The following FAM149B1 variants were observed in gnomAD, a reference collection of about 807,000 sequenced individuals.
FAM149B1 encodes the protein primary cilium assembly protein FAM149B1.
A neutral mutation model predicts 75.3 loss-of-function variants in FAM149B1; 56 were observed. That is an observed-to-expected ratio of 0.74 (90% CI 0.60 to 0.93). The LOEUF is 0.93. Ranked by LOEUF, FAM149B1 falls within the 40% of genes least tolerant of loss-of-function variation. The pLI is 0.00. For synonymous variants in FAM149B1, 259 were observed against 256.1 expected, an observed-to-expected ratio of 1.01 and a Z score of -0.11; for missense variants, 639 against 708.4, an observed-to-expected ratio of 0.90 and a Z score of 1.11.
Position 73,224,759 on chromosome 10 carries a change from ACCACACCCAG to A in FAM149B1, c.899-3293_899-3284del, listed in dbSNP as rs2043498160. On this transcript the variant is annotated intron_variant, in intron 7 of 13. Transcript: ENST00000242505. ...AGTGCTGGGATCACAGGTGTGAGCC[ACCACACCCAG>A]CCACACCGTTATTTTGAAAAACAGG... 2.0e-5 allele frequency among the ~76,000 whole-genome samples: 3 copies of A among 152,302 alleles called. No homozygotes were observed. The South Asian group carries it at 6.2e-4, about 32-fold the overall frequency.
At chr10:73,199,401 T>G (rs537231288) in intron 5 of FAM149B1, among the ~76,000 whole-genome samples, 5 of 152,150 alleles carry the variant, frequency 3.3e-5, no homozygotes, top group Admixed American at 3.3e-4. Context: ...GTATTTTTAG[T>G]AGAGACGGGG....
At chr10:73,178,439 C>T (rs568952815) in intron 3 of FAM149B1, among the ~76,000 whole-genome samples, 61 of 151,140 alleles carry the variant, frequency 4.0e-4, no homozygotes, top group African/African-American at 1.3e-3. Context: ...TGCTGTGAGC[C>T]GAGATCACGC....
At chr10:73,229,474 C>T (rs2043634033) in intron 8 of FAM149B1, among the ~76,000 whole-genome samples, 1 of 152,202 alleles carries the variant, frequency 6.6e-6, no homozygotes, top group Admixed American at 6.5e-5. Flanking sequence ...ACTCTGGAGG[C>T]TGAGGCAGGA....
chr10:73,226,078 CAT>C (rs901400332), intron 7 of FAM149B1, among the ~76,000 whole-genome samples: 13 of 151,056 alleles, frequency 8.6e-5, no homozygotes, highest in Admixed American at 5.3e-4. Context: ...AATGGTAAGT[CAT>C]GTGTATTTTA....
chr10:73,200,776 G>A (rs2042916570), intron 5 of FAM149B1: 2 of 467,698 alleles, frequency 4.3e-6, no homozygotes, highest in Middle Eastern at 7.7e-4. Flanking sequence ...GTGTTGAGCA[G>A]GAGGAATGGA....
In FAM149B1 at chr10:73,168,303, G is replaced by A. The variant is rs1401797053; in HGVS notation, c.-37G>A. 1.3e-6 allele frequency: 2 copies of A among 1,546,704 alleles called. No individual in the cohort carries two copies. Among genetic ancestry groups the A allele is most frequent in the Middle Eastern group, 2.2e-4 (1 of 4,542 alleles). ...CCACCCTGGCGTGCCTGCCCCGGCC[G>A]CGGCTGAGGAGGAGGAGGAGGAGGA... On this transcript the variant is annotated 5_prime_UTR_variant, in exon 1 of 14. Transcript: ENST00000242505.
At chr10:73,222,540 CTTCTT>C (rs1480076184) in intron 7 of FAM149B1, among the ~76,000 whole-genome samples, 2 of 152,082 alleles carry the variant, frequency 1.3e-5, no homozygotes, top group African/African-American at 2.4e-5. Flanking sequence ...TCCTATTTCT[CTTCTT>C]TAAGATACTC....
intron 1 of FAM149B1, among the ~76,000 whole-genome samples, chr10:73,172,830 G>A (rs560321200): frequency 6.6e-6 from 1 of 152,086 alleles, no homozygotes; most frequent in African/African-American, 2.4e-5. Context: ...TTGGCCGAGT[G>A]CAGTGGCTCA....
At chr10:73,198,060 A>G (rs1411797818) in intron 5 of FAM149B1, among the ~76,000 whole-genome samples, 1 of 152,232 alleles carries the variant, frequency 6.6e-6, no homozygotes, top group Admixed American at 6.5e-5. Flanking sequence ...AACCCTTGCA[A>G]TTATGGCCAA....
chr10:73,185,588 C>A (rs2042502063), intron 3 of FAM149B1, among the ~76,000 whole-genome samples: 1 of 152,108 alleles, frequency 6.6e-6, no homozygotes, highest in Non-Finnish European at 1.5e-5. Flanking sequence ...GAAGTCCAGG[C>A]ACAGATGCGC....
At chr10:73,193,381 T>G (rs1399321544) in intron 4 of FAM149B1, 96 bp from the exon 5 acceptor site, 3 of 1,259,144 alleles carry the variant, frequency 2.4e-6, no homozygotes, top group Non-Finnish European at 3.3e-6. Context: ...TACTGGACTT[T>G]TATGTTGAGC....
chr10:73,217,663 C>G (rs2133379065), intron 7 of FAM149B1, among the ~76,000 whole-genome samples: 1 of 152,318 alleles, frequency 6.6e-6, no homozygotes. Context: ...AGTGGACTAA[C>G]AAGACAAAAG....
In FAM149B1 at chr10:73,168,207, G is replaced by C. The variant is rs1843531338; in HGVS notation, c.-133G>C. 3.2e-6 allele frequency: 3 copies of C among 927,968 alleles called. No homozygotes were observed. In the East Asian group the frequency reaches 8.4e-5, roughly 26 times the overall value. The allele number at this position is 927,968 out of a possible 1,614,324, so 57.5% of individuals were successfully genotyped here. On this transcript the variant is annotated 5_prime_UTR_variant, in exon 1 of 14. Transcript: ENST00000242505. ...TGGCTGCTCGGAGTCTAGGTGACGGGGCGAGACGGGGCCGGTAGGTGGCGG... is the reference window on the plus strand; with the variant it reads ...TGGCTGCTCGGAGTCTAGGTGACGGCGCGAGACGGGGCCGGTAGGTGGCGG...
intron 1 of FAM149B1, among the ~76,000 whole-genome samples, chr10:73,173,506 T>C (rs541860087): frequency 6.6e-6 from 1 of 152,346 alleles, no homozygotes; most frequent in African/African-American, 2.4e-5. Context: ...CTTGTCTCCA[T>C]CCCTGGCAAC....
chr10:73,240,962 G>T lies in FAM149B1; in HGVS notation c.1692G>T (p.Gly564=). ...GRGSAGPQLH[G]STKSQSGGRP... ...ATCTGACAGGTCCTCAGTTACATGG[G>T]TCTACAAAATCTCAAAGCGGAGGCA... The change falls in exon 14 of 14, where the codon GGG becomes GGT. Residue 564 remains glycine, a synonymous_variant. Transcript: ENST00000242505. 1 of 1,542,352 alleles carries T rather than the reference G, an allele frequency of 6.5e-7. No homozygotes were observed. Among genetic ancestry groups the T allele is most frequent in the African/African-American group, 1.4e-5 (1 of 70,994 alleles).
intron 2 of FAM149B1, 106 bp from the exon 3 acceptor site, chr10:73,177,740 C>T (rs1844031701): frequency 1.0e-6 from 1 of 974,088 alleles, no homozygotes; most frequent in Admixed American, 2.5e-5. Flanking sequence ...TATATTTGTA[C>T]ACATGTTAAT....
intron 1 of FAM149B1, among the ~76,000 whole-genome samples, chr10:73,169,795 T>C (rs2133287862): frequency 6.6e-6 from 1 of 152,264 alleles, no homozygotes; most frequent in Admixed American, 6.5e-5. Context: ...AAAGTGGGTA[T>C]GATTATCTTC....
chr10:73,169,664 A>G (rs544895433), intron 1 of FAM149B1, among the ~76,000 whole-genome samples: 9 of 152,136 alleles, frequency 5.9e-5, no homozygotes, highest in South Asian at 2.1e-4. Context: ...GGGTCCCACT[A>G]TGTTGCCCAG....
rs1198526369 is a variant in FAM149B1, at chr10:73,242,545, T to C, written c.*1526T>C. On this transcript the variant is annotated 3_prime_UTR_variant, in exon 14 of 14. Coordinates refer to ENST00000242505, the MANE Select transcript of FAM149B1 (RefSeq NM_173348.2). Reference sequence around the variant, plus strand: ...TGTTTAATACATACAGTTTGACAAATTTGGATTTCACTCTTTGTTTTGATG... The same window carrying C: ...TGTTTAATACATACAGTTTGACAAACTTGGATTTCACTCTTTGTTTTGATG... 1 of 149,912 alleles carries C rather than the reference T, an allele frequency of 6.7e-6. No homozygotes were observed. Among genetic ancestry groups the C allele is most frequent in the Non-Finnish European group, 1.5e-5 (1 of 67,806 alleles). 9.3% of individuals were successfully genotyped at this position (149,912 alleles called of 1,614,324 possible).
Sources: allele counts gnomAD v4.1 joint callset (sites outside exome capture counted in the v4.1 genomes callset), GRCh38; gene constraint gnomAD v4.1.1; transcripts MANE v1.5; gene names NCBI Gene and HGNC (gene_info 2026-07-23, HGNC 2026-07-21).